The following OAS2 variants were observed in gnomAD, a reference collection of about 807,000 sequenced individuals.
OAS2 encodes the protein 2'-5'-oligoadenylate synthetase 2.
OAS2 carries 67 observed loss-of-function variants against 71.3 expected under a neutral mutation model. The observed-to-expected ratio is 0.94, with a 90% CI of 0.77 to 1.15. The LOEUF (loss-of-function observed/expected upper bound fraction) is 1.15, where lower values mean the gene tolerates loss of function less well. Ranked by LOEUF, OAS2 falls within the 50% of genes most tolerant of loss-of-function variation. OAS2 has a pLI of 0.00. For synonymous variants in OAS2, 327 were observed against 321.8 expected (o/e 1.02, Z -0.17); for missense variants, 789 against 822.5 (o/e 0.96, Z 0.50).
At position 113,005,069 on chromosome 12, in the gene OAS2, C is replaced by T. The variant is rs758764696; in HGVS notation, c.1315C>T (p.Leu439=). The T allele has an allele frequency of 9.9e-6, 16 of 1,614,044 alleles. No individual in the cohort carries two copies. Among genetic ancestry groups the T allele is most frequent in the Non-Finnish European group, 1.3e-5 (15 of 1,180,028 alleles). ...HKIVKEIHEQ[L]KAFWREKEEE... is the part of the protein sequence containing the mutation. ...AATCGTCAAGGAAATCCATGAACAG[C>T]TGAAAGCCTTTTGGAGGGAGAAGGA... Residue 439 remains leucine (L), a synonymous_variant, in exon 7 of 10, where the codon CTG becomes TTG. Transcript: ENST00000392583.
chr12:112,980,846 A>G (rs2044074855), intron 1 of OAS2, among the ~76,000 whole-genome samples: 1 of 152,138 alleles, frequency 6.6e-6, no homozygotes, highest in Non-Finnish European at 1.5e-5. Flanking sequence ...ACAGTGTGTA[A>G]GATTCCCTTT....
intron 5 of OAS2, among the ~76,000 whole-genome samples, chr12:113,002,317 G>A (rs1047785109): frequency 2.0e-5 from 3 of 152,194 alleles, no homozygotes; most frequent in Non-Finnish European, 2.9e-5. Context: ...ACTTAACCAC[G>A]TGTGCTTCAG....
intron 9 of OAS2, among the ~76,000 whole-genome samples, chr12:113,008,878 T>C (rs1327613627): frequency 6.6e-6 from 1 of 152,178 alleles, no homozygotes; most frequent in Non-Finnish European, 1.5e-5. Context: ...TCCTCCCACT[T>C]CAGCCTCCCA....
chr12:112,982,526 C>T (rs149244414), intron 1 of OAS2, among the ~76,000 whole-genome samples: 34 of 152,160 alleles, frequency 2.2e-4, no homozygotes, highest in Middle Eastern at 3.4e-3. Flanking sequence ...GGGATAAATC[C>T]CACTTGATCA....
chr12:112,997,182 C>A (rs968570701), intron 3 of OAS2, among the ~76,000 whole-genome samples: 11 of 152,126 alleles, frequency 7.2e-5, no homozygotes, highest in African/African-American at 2.7e-4. Context: ...CTCCTGTAGA[C>A]CCTGAACTAC....
rs765059842 is a variant in OAS2, at chr12:113,005,000, A to C, written c.1246A>C (p.Asn416His). 48 of 1,614,116 alleles carry C rather than the reference A, an allele frequency of 3.0e-5. No homozygotes were observed. The highest frequency in any genetic ancestry group is 3.7e-5 in the Non-Finnish European group (44 of 1,180,000). Residue 416 changes from asparagine to histidine, a missense_variant, in exon 7 of 10, where the codon AAC becomes CAC. By Grantham distance (68) the Asn-to-His change is moderately conservative. Coordinates refer to ENST00000392583, the MANE Select transcript of OAS2 (RefSeq NM_002535.3). ...GSDADLVVFHNSLKSYTSQKN... is the reference protein window; with the variant it reads ...GSDADLVVFHHSLKSYTSQKN... The stretch of plus-strand genomic sequence containing the variant: ...TGATGCCGATCTCGTCGTGTTCCAT[A>C]ACTCACTTAAAAGCTACACCTCCCA...
intron 7 of OAS2, among the ~76,000 whole-genome samples, chr12:113,005,826 G>A (rs901608256): frequency 6.7e-6 from 1 of 149,748 alleles, no homozygotes; most frequent in Non-Finnish European, 1.5e-5. Flanking sequence ...AGGAGATGGA[G>A]GCTGCAGTGA....
chr12:113,008,605 T>C (rs2044354539), intron 9 of OAS2, among the ~76,000 whole-genome samples: 1 of 152,144 alleles, frequency 6.6e-6, no homozygotes, highest in Non-Finnish European at 1.5e-5. Flanking sequence ...AATTTAATTC[T>C]AGGAAGTTGC....
At chr12:112,979,984 C>CT (rs2136373275) in intron 1 of OAS2, among the ~76,000 whole-genome samples, 1 of 152,298 alleles carries the variant, frequency 6.6e-6, no homozygotes, top group African/African-American at 2.4e-5. Flanking sequence ...ATCATGGGCT[C>CT]TGTGTGCTTT....
chr12:112,999,164 G>A (rs12297326), intron 5 of OAS2, among the ~76,000 whole-genome samples: 6,815 of 152,218 alleles, frequency 0.045, 499 homozygotes, highest in African/African-American at 0.15. Context: ...GGCAGGTGCC[G>A]GGGGCAACAG....
chr12:113,009,223 C>A lies in OAS2; in HGVS notation c.2032C>A (p.Pro678Thr), dbSNP rs745896637. ...CAAGGATGGGACTGGAAACCCAATACCACCTTGGAAAGTGCCGGTAAAAGT... is the reference window on the plus strand; with the variant it reads ...CAAGGATGGGACTGGAAACCCAATAACACCTTGGAAAGTGCCGGTAAAAGT... Reference protein sequence around the residue: ...CFKDGTGNPIPPWKVPVKVI With the variant: ...CFKDGTGNPITPWKVPVKVI Residue 678 changes from proline to threonine, a missense_variant, in exon 10 of 10, where the codon CCA becomes ACA. Physicochemically the swap from Pro to Thr is conservative, Grantham distance 38. Transcript: ENST00000392583. 13 of 1,613,964 alleles carry A rather than the reference C, an allele frequency of 8.1e-6. No homozygotes were observed. In the Admixed American group the frequency reaches 8.3e-5, roughly 10 times the overall value.
chr12:113,007,604 C>A, intron 8 of OAS2, 101 bp from the exon 9 acceptor site: 1 of 933,510 alleles, frequency 1.1e-6, no homozygotes, highest in Non-Finnish European at 1.7e-6. Context: ...GTGAGCACAC[C>A]AGCACGACAC....
At chr12:113,003,274 T>C (rs142235676) in intron 6 of OAS2, among the ~76,000 whole-genome samples, 172 bp downstream of exon 6, 250 of 152,256 alleles carry the variant, frequency 1.6e-3, no homozygotes, top group Non-Finnish European at 2.9e-3. Flanking sequence ...GGGTTGTGGA[T>C]AGACTGCCTA....
At chr12:112,995,577 A>AT in intron 3 of OAS2, 103 bp downstream of exon 3, 3 of 1,093,242 alleles carry the variant, frequency 2.7e-6, no homozygotes, top group Non-Finnish European at 3.9e-6. Flanking sequence ...AGCTCAACGC[A>AT]TTTTTTACAA....
rs1204800799 is a variant in OAS2, at chr12:112,998,417, G to A, written c.1008+7G>A. The A allele has an allele frequency of 5.0e-6, 8 of 1,605,956 alleles. No homozygotes were observed. Among genetic ancestry groups the A allele is most frequent in the Non-Finnish European group, 5.1e-6 (6 of 1,177,668 alleles). On this transcript the variant is annotated splice_region_variant and intron_variant, in intron 5 of 9. Coordinates refer to ENST00000392583, the MANE Select transcript of OAS2 (RefSeq NM_002535.3). ...ACCATCTTGGAATGTTCTGGTAAGA[G>A]GGTTTTCCAAATACAGGGTGTTTCA...
chr12:112,998,327 C>T lies in OAS2; in HGVS notation c.925C>T (p.Gln309Ter), dbSNP rs1180783651. The T allele has an allele frequency of 1.2e-6, 2 of 1,608,668 alleles. No homozygotes were observed. Among genetic ancestry groups the T allele is most frequent in the African/African-American group, 1.3e-5 (1 of 74,418 alleles). ...TGTGAGTGGAGATAAAATATGCTGG[C>T]AATGGCTGAAAAAAGAAGCTCAAAC... ...NNVSGDKICW[Q>*]WLKKEAQTWL... is the part of the protein sequence containing the mutation. Residue 309 changes from glutamine (Q) to a stop codon, truncating the protein, a stop_gained, in exon 5 of 10, where the codon CAA (glutamine) becomes TAA (stop). Coordinates refer to ENST00000392583, the MANE Select transcript of OAS2 (RefSeq NM_002535.3). LOFTEE classifies it high-confidence loss of function.
chr12:113,001,729 TA>T (rs1479375752), intron 5 of OAS2, among the ~76,000 whole-genome samples: 1 of 151,500 alleles, frequency 6.6e-6, no homozygotes, highest in Non-Finnish European at 1.5e-5. Context: ...CTCCATCTTA[TA>T]AGTACCCTTG....
intron 2 of OAS2, among the ~76,000 whole-genome samples, chr12:112,992,108 T>C (rs900238025): frequency 6.6e-6 from 1 of 152,038 alleles, no homozygotes; most frequent in Non-Finnish European, 1.5e-5. Context: ...ACTTAAATAA[T>C]TCCAGGCTGG....
intron 5 of OAS2, among the ~76,000 whole-genome samples, chr12:113,002,142 T>C (rs2044295880): frequency 6.6e-6 from 1 of 152,106 alleles, no homozygotes; most frequent in Non-Finnish European, 1.5e-5. Flanking sequence ...CGACATGCAA[T>C]TTACCCATGT....
Sources: allele counts gnomAD v4.1 joint callset (sites outside exome capture counted in the v4.1 genomes callset), GRCh38; gene constraint gnomAD v4.1.1; transcripts MANE v1.5; gene names NCBI Gene and HGNC (gene_info 2026-07-23, HGNC 2026-07-21).